The following TBC1D5 variants were observed in gnomAD, a reference collection of about 807,000 sequenced individuals.
TBC1D5 encodes the protein TBC1 domain family member 5.
A neutral mutation model predicts 100.3 loss-of-function variants in TBC1D5; 75 were observed. The observed-to-expected ratio is 0.75, with a 90% CI of 0.62 to 0.91. The LOEUF (loss-of-function observed/expected upper bound fraction) is 0.91, where lower values mean the gene tolerates loss of function less well. TBC1D5 is among the 40% of genes least tolerant of loss of function. TBC1D5 has a pLI of 0.00. For synonymous variants in TBC1D5, 323 were observed against 325.6 expected (o/e 0.99, Z 0.09); for missense variants, 910 against 942.4 (o/e 0.97, Z 0.45).
intron 13 of TBC1D5, among the ~76,000 whole-genome samples, chr3:17,359,938 C>T (rs2091556981): frequency 6.6e-6 from 1 of 151,902 alleles, no homozygotes; most frequent in Admixed American, 6.6e-5. Flanking sequence ...TAAAGATTAA[C>T]TTAATTCTAG....
intron 16 of TBC1D5, among the ~76,000 whole-genome samples, chr3:17,240,369 G>T (rs1225574446): frequency 1.3e-5 from 2 of 152,096 alleles, no homozygotes; most frequent in African/African-American, 4.8e-5. Context: ...CATCTTTAAA[G>T]AACTGAGCTA....
At position 17,244,951 on chromosome 3, in the gene TBC1D5, C is replaced by T. The variant is rs78762552; in HGVS notation, c.1332-6532G>A. Among the ~76,000 whole-genome samples the T allele has an allele frequency of 3.0e-3, 429 of 143,636 alleles. 10 individuals carry two copies. The East Asian group carries it at 0.047, about 16-fold the overall frequency. 94.2% of individuals were successfully genotyped at this position (143,636 alleles called of 152,430 possible). ...CTGTAATCCCAGTACTTTGGAAGGC[C>T]GAGGAAGGACAACTGTTTAAGCCCA... On this transcript the variant is annotated intron_variant, in intron 16 of 21. Transcript: ENST00000253692.
At chr3:17,505,588 G>T (rs571642403) in intron 3 of TBC1D5, among the ~76,000 whole-genome samples, 17 of 152,226 alleles carry the variant, frequency 1.1e-4, no homozygotes, top group African/African-American at 3.4e-4. Flanking sequence ...ATAAGCTTGT[G>T]AAAACGAGTG....
chr3:17,582,867 G>C (rs1049813255), intron 2 of TBC1D5, among the ~76,000 whole-genome samples: 9 of 151,834 alleles, frequency 5.9e-5, no homozygotes, highest in African/African-American at 1.9e-4. Context: ...ATGAAGAAAA[G>C]TAAGAAACCT....
intron 4 of TBC1D5, among the ~76,000 whole-genome samples, chr3:17,407,488 G>C (rs1238216676): frequency 6.6e-6 from 1 of 152,050 alleles, no homozygotes; most frequent in African/African-American, 2.4e-5. Flanking sequence ...AATATCTTAA[G>C]AGAGATTTCT....
chr3:17,342,296 CCTTGCTCAATAATCT>C (rs2089104007), intron 13 of TBC1D5, among the ~76,000 whole-genome samples: 1 of 152,180 alleles, frequency 6.6e-6, no homozygotes, highest in Non-Finnish European at 1.5e-5. Context: ...TTTTTCAAAA[CCTTGCTCAATAATCT>C]CTTCTTGCTT....
chr3:17,736,401 G>C (rs1319072443), intron 1 of TBC1D5, among the ~76,000 whole-genome samples: 1 of 152,128 alleles, frequency 6.6e-6, no homozygotes, highest in Non-Finnish European at 1.5e-5. Flanking sequence ...GAGGCAATTT[G>C]ACCCAAGTCT....
intron 2 of TBC1D5, among the ~76,000 whole-genome samples, chr3:17,529,654 T>A (rs1164491685): frequency 7.5e-6 from 1 of 134,098 alleles, no homozygotes; most frequent in Admixed American, 7.0e-5. Flanking sequence ...TTATTATTTT[T>A]ATTTTTTTTT....
chr3:17,208,699 A>T (rs767579678), intron 18 of TBC1D5, among the ~76,000 whole-genome samples: 3 of 152,166 alleles, frequency 2.0e-5, no homozygotes, highest in African/African-American at 4.8e-5. Context: ...TTTTTACTCA[A>T]CTTCTCAGTT....
intron 1 of TBC1D5, among the ~76,000 whole-genome samples, chr3:17,731,935 G>A (rs899128302): frequency 4.6e-5 from 7 of 152,176 alleles, no homozygotes; most frequent in African/African-American, 1.7e-4. Context: ...AGTTTCCTGT[G>A]AGCCATTAAG....
intron 2 of TBC1D5, among the ~76,000 whole-genome samples, chr3:17,548,290 G>A (rs536305841): frequency 6.6e-6 from 1 of 152,190 alleles, no homozygotes; most frequent in South Asian, 2.1e-4. Context: ...ACTAAGGATG[G>A]GCAACAAAGC....
chr3:17,617,578 T>C (rs1442253517), intron 2 of TBC1D5, among the ~76,000 whole-genome samples: 1 of 152,190 alleles, frequency 6.6e-6, no homozygotes, highest in Non-Finnish European at 1.5e-5. Flanking sequence ...ATATTTCTTG[T>C]AGGCTTCGTT....
exon 22 of TBC1D5, chr3:17,159,925 G>A (rs1198483727): frequency 6.6e-6 from 1 of 152,218 alleles, no homozygotes; most frequent in Non-Finnish European, 1.5e-5. Flanking sequence ...TCTGTCTTAT[G>A]ACTGCTACCT....
chr3:17,262,888 G>T (rs540627647), intron 15 of TBC1D5, among the ~76,000 whole-genome samples: 121 of 151,960 alleles, frequency 8.0e-4, no homozygotes, highest in Non-Finnish European at 1.4e-3. Flanking sequence ...GTGTGCAGAG[G>T]AATACCAATT....
chr3:17,462,435 T>G (rs2095231246), intron 3 of TBC1D5, among the ~76,000 whole-genome samples: 1 of 151,538 alleles, frequency 6.6e-6, no homozygotes, highest in Non-Finnish European at 1.5e-5. Context: ...GATCCTCTCC[T>G]ATCTCAGCCT....
intron 19 of TBC1D5, among the ~76,000 whole-genome samples, chr3:17,183,443 T>C (rs796650681): frequency 2.5e-4 from 38 of 152,316 alleles, no homozygotes; most frequent in African/African-American, 8.4e-4. Context: ...GACTTGGTTA[T>C]AGGTCTATAT....
chr3:17,568,520 TTCAAAG>T (rs954209183), intron 2 of TBC1D5, among the ~76,000 whole-genome samples: 10 of 151,526 alleles, frequency 6.6e-5, no homozygotes, highest in Non-Finnish European at 1.0e-4. Flanking sequence ...CTGGTTAAGA[TTCAAAG>T]TCAATGACAA....
chr3:17,382,063 C>T (rs149706649), intron 9 of TBC1D5, among the ~76,000 whole-genome samples: 334 of 151,898 alleles, frequency 2.2e-3, no homozygotes, highest in African/African-American at 7.7e-3. Flanking sequence ...TCTATATTTC[C>T]CATTATCCCT....
intron 3 of TBC1D5, among the ~76,000 whole-genome samples, chr3:17,482,647 C>A (rs2095514318): frequency 6.6e-6 from 1 of 152,084 alleles, no homozygotes; most frequent in Admixed American, 6.6e-5. Context: ...TCTTTATTTG[C>A]AAACAAAATA....
Sources: gnomAD v4.1 joint callset for allele counts (sites outside exome capture counted in the v4.1 genomes callset) on GRCh38, gnomAD v4.1.1 for gene constraint, MANE v1.5 for transcripts, NCBI Gene and HGNC (gene_info 2026-07-23, HGNC 2026-07-21) for gene names.